The following APBA2 variants were observed in gnomAD, a reference collection of about 807,000 sequenced individuals.
APBA2 encodes the protein amyloid-beta A4 precursor protein-binding family A member 2.
APBA2 carries 30 observed loss-of-function variants against 75.0 expected under a neutral mutation model. The ratio of observed to expected loss-of-function variants is 0.40; its 90% CI spans 0.30 to 0.54. The LOEUF is 0.54. APBA2 is among the 20% of genes least tolerant of loss of function. The pLI is 0.49. For missense variants in APBA2, 801 were observed against 1,016.1 expected, an observed-to-expected ratio of 0.79 and a Z score of 2.88; for synonymous variants, 444 against 409.6, an observed-to-expected ratio of 1.08 and a Z score of -1.01.
intron 2 of APBA2, among the ~76,000 whole-genome samples, chr15:28,978,267 C>A (rs980853328): frequency 6.6e-6 from 1 of 152,218 alleles, no homozygotes; most frequent in African/African-American, 2.4e-5. Flanking sequence ...AAGCCATAAG[C>A]CGCATGATCC....
At chr15:28,906,140 G>C (rs560820961) in intron 1 of APBA2, among the ~76,000 whole-genome samples, 1 of 152,010 alleles carries the variant, frequency 6.6e-6, no homozygotes, top group East Asian at 1.9e-4. Flanking sequence ...TCCCCCAGCC[G>C]TGTGTCTTAG....
At chr15:28,893,475 T>A (rs1006802215) in intron 1 of APBA2, among the ~76,000 whole-genome samples, 2 of 152,206 alleles carry the variant, frequency 1.3e-5, no homozygotes, top group African/African-American at 2.4e-5. Flanking sequence ...CTGGCCTGAC[T>A]GCTAGATTCT....
chr15:29,027,689 G>A (rs7179435), intron 3 of APBA2, among the ~76,000 whole-genome samples: 1 of 151,156 alleles, frequency 6.6e-6, no homozygotes, highest in Non-Finnish European at 1.5e-5. Context: ...TGCAGCCTCC[G>A]CCTCCCGGGT....
At chr15:28,982,632 G>A (rs2037685394) in intron 2 of APBA2, among the ~76,000 whole-genome samples, 1 of 152,218 alleles carries the variant, frequency 6.6e-6, no homozygotes, top group African/African-American at 2.4e-5. Context: ...AAGTCCTCAT[G>A]TCCTATTTAA....
rs1172268416 is a variant in APBA2 at position 28,918,920 on chromosome 15, C to T, written c.-204-2720C>T. ...TGTCTCCCAGGCTGGAGTGCAGTGGCGCTATCTTGGCTCACTGCAAGCTCC... is the reference window on the plus strand; with the variant it reads ...TGTCTCCCAGGCTGGAGTGCAGTGGTGCTATCTTGGCTCACTGCAAGCTCC... On this transcript the variant is annotated intron_variant, in intron 1 of 14. Transcript: ENST00000683413. This position sits in a 1 kb window ranked among gnomAD's most constrained non-coding sequence, Gnocchi z 4.2. Among the ~76,000 whole-genome samples, 2 of 151,430 alleles carry T rather than the reference C, an allele frequency of 1.3e-5. No homozygotes were observed. The highest frequency in any genetic ancestry group is 6.6e-5 in the Admixed American group (1 of 15,196).
At chr15:29,009,112 A>T (rs1238300088) in intron 3 of APBA2, among the ~76,000 whole-genome samples, 1 of 152,184 alleles carries the variant, frequency 6.6e-6, no homozygotes, top group East Asian at 1.9e-4. Flanking sequence ...AATCTGACTC[A>T]CAGAAGTTAG....
intron 1 of APBA2, among the ~76,000 whole-genome samples, chr15:28,914,854 G>A (rs1460784480): frequency 1.3e-5 from 2 of 151,888 alleles, no homozygotes; most frequent in South Asian, 2.1e-4. Flanking sequence ...GGCTGAGGTC[G>A]TCATCGCTGT....
Position 29,117,364 on chromosome 15 carries a change from A to C in APBA2, c.*231A>C. ...AAATGTTTGTTTGTAAAGCGTTCCA[A>C]GTATTTTGCCACGTTCTGGACTGTC... On this transcript the variant is annotated 3_prime_UTR_variant, in exon 15 of 15. Coordinates refer to ENST00000683413, the MANE Select transcript of APBA2 (RefSeq NM_001353788.2). 1 of 590,848 alleles carries C rather than the reference A, an allele frequency of 1.7e-6. No homozygotes were observed. Among genetic ancestry groups the C allele is most frequent in the Admixed American group, 2.9e-5 (1 of 33,910 alleles). The allele number at this position is 590,848 out of a possible 1,614,324, so 36.6% of individuals were successfully genotyped here. A position where few individuals can be genotyped will look rare whatever the true frequency, so the allele number is the denominator to read the frequency against.
rs1221278764 is a variant in APBA2, at chr15:29,050,215, G to T, written c.-40-3630G>T. Among the ~76,000 whole-genome samples, 3 of 152,180 alleles carry T rather than the reference G, an allele frequency of 2.0e-5. No homozygotes were observed. The East Asian group carries it at 5.8e-4, about 29-fold the overall frequency. On this transcript the variant is annotated intron_variant, in intron 3 of 14. Coordinates refer to ENST00000683413, the MANE Select transcript of APBA2 (RefSeq NM_001353788.2). Reference sequence around the variant, plus strand: ...ACATCTGCGAGACTGTAAGCTAGAAGATAGTGGAACAGTGTTAGCAAATTA... The same window carrying T: ...ACATCTGCGAGACTGTAAGCTAGAATATAGTGGAACAGTGTTAGCAAATTA...
At chr15:29,003,656 A>G (rs756275870) in intron 3 of APBA2, among the ~76,000 whole-genome samples, 2 of 152,232 alleles carry the variant, frequency 1.3e-5, no homozygotes, top group African/African-American at 2.4e-5. Context: ...ATTGTGAGGA[A>G]TCTGCACACG....
At chr15:29,104,252 A>T in intron 10 of APBA2, among the ~76,000 whole-genome samples, 1 of 152,204 alleles carries the variant, frequency 6.6e-6, no homozygotes, top group East Asian at 1.9e-4. Context: ...CCTTGAGGGC[A>T]GTTGGGGAGG....
intron 3 of APBA2, among the ~76,000 whole-genome samples, chr15:29,044,774 G>A (rs1185849992): frequency 6.6e-6 from 1 of 152,210 alleles, no homozygotes; most frequent in African/African-American, 2.4e-5. Flanking sequence ...GACATAATGT[G>A]GGTTCAGCAG....
At chr15:28,959,469 CACAG>C (rs1462690338) in intron 2 of APBA2, among the ~76,000 whole-genome samples, 3 of 152,176 alleles carry the variant, frequency 2.0e-5, no homozygotes, top group African/African-American at 7.2e-5. Context: ...GAGATTCAGA[CACAG>C]ACAGGCACAG....
In APBA2 at chr15:28,918,583, T is replaced by G. The variant is rs1332638748; in HGVS notation, c.-204-3057T>G. On this transcript the variant is annotated intron_variant, in intron 1 of 14. Transcript: ENST00000683413. This position sits in a 1 kb window ranked among gnomAD's most constrained non-coding sequence, Gnocchi z 4.2. ...TCATTGTGGGAACACTCGGGCGGGATGTATTTTAAAGGAGTGCCTGATGCG... is the reference window on the plus strand; with the variant it reads ...TCATTGTGGGAACACTCGGGCGGGAGGTATTTTAAAGGAGTGCCTGATGCG... Among the ~76,000 whole-genome samples the G allele has an allele frequency of 1.3e-5, 2 of 148,696 alleles. No homozygotes were observed. Among genetic ancestry groups the G allele is most frequent in the East Asian group, 4.0e-4 (2 of 4,964 alleles).
chr15:28,900,126 C>G (rs898228454), intron 1 of APBA2, among the ~76,000 whole-genome samples: 5 of 152,152 alleles, frequency 3.3e-5, no homozygotes, highest in Admixed American at 2.6e-4. Context: ...AGAAGCAGAG[C>G]CTTTGTTTGC....
chr15:28,968,350 T>C (rs2036853179), intron 2 of APBA2, among the ~76,000 whole-genome samples: 1 of 152,192 alleles, frequency 6.6e-6, no homozygotes, highest in South Asian at 2.1e-4. Flanking sequence ...GTTTTTAATT[T>C]TGGGGGGAAC....
rs555222570 is a variant in APBA2 at position 29,095,390 on chromosome 15, A to G, written c.1251+1077A>G. Among the ~76,000 whole-genome samples, 4 of 152,098 alleles carry G rather than the reference A, an allele frequency of 2.6e-5. No homozygotes were observed. In the East Asian group the frequency reaches 5.9e-4, roughly 22 times the overall value. On this transcript the variant is annotated intron_variant, in intron 8 of 14. Transcript: ENST00000683413. Reference sequence around the variant, plus strand: ...GGTCGCAGTGAGCCGAGATCATGCCATTGCACTCCAGCCTGGGCAACACGA... The same window carrying G: ...GGTCGCAGTGAGCCGAGATCATGCCGTTGCACTCCAGCCTGGGCAACACGA...
chr15:28,925,713 G>T (rs2034223767), intron 2 of APBA2, among the ~76,000 whole-genome samples: 1 of 152,132 alleles, frequency 6.6e-6, no homozygotes, highest in South Asian at 2.1e-4. Context: ...CTATTCAAGT[G>T]AACTGTCCTT....
At chr15:29,100,051 A>C (rs1372303922) in intron 9 of APBA2, among the ~76,000 whole-genome samples, 1 of 152,074 alleles carries the variant, frequency 6.6e-6, no homozygotes, top group Non-Finnish European at 1.5e-5. Flanking sequence ...GCTGGAGAGG[A>C]GGGAACAGGT....
Sources: allele counts gnomAD v4.1 joint callset (sites outside exome capture counted in the v4.1 genomes callset), GRCh38; gene constraint gnomAD v4.1.1; non-coding constraint Gnocchi (gnomAD v3.1); transcripts MANE v1.5; gene names NCBI Gene and HGNC (gene_info 2026-07-23, HGNC 2026-07-21).